LOXL2: variants seen among roughly 807,000 people sequenced by gnomAD.
LOXL2 encodes the protein lysyl oxidase homolog 2.
In LOXL2, 70 loss-of-function variants were observed where a neutral mutation model predicts 93.0. The observed-to-expected ratio is 0.75, with a 90% CI of 0.62 to 0.92. The LOEUF is 0.92. Among genes scored for constraint, LOXL2 ranks in the 40% least tolerant of loss-of-function variants. LOXL2 has a pLI of 0.00. For missense variants in LOXL2, 973 were observed against 1,054.9 expected (o/e 0.92, Z 1.08); for synonymous variants, 438 against 413.2 (o/e 1.06, Z -0.73).
At chr8:23,299,359 TGGA>T (rs1803089823) in intron 12 of LOXL2, among the ~76,000 whole-genome samples, 1 of 152,102 alleles carries the variant, frequency 6.6e-6, no homozygotes, top group South Asian at 2.1e-4. Flanking sequence ...GCCTGGGCGT[TGGA>T]GATGGGACAC....
intron 1 of LOXL2, among the ~76,000 whole-genome samples, chr8:23,380,905 A>G (rs796458487): frequency 3.3e-5 from 5 of 152,096 alleles, no homozygotes; most frequent in African/African-American, 1.2e-4. Context: ...CCCAGCTACT[A>G]GGGAGGCTGA....
At chr8:23,319,033 A>C (rs1803451833) in intron 8 of LOXL2, among the ~76,000 whole-genome samples, 1 of 152,216 alleles carries the variant, frequency 6.6e-6, no homozygotes, top group Admixed American at 6.5e-5. Context: ...CTGGGGAAGG[A>C]GAGCTGGAGT....
At chr8:23,311,625 T>A (rs983429802) in intron 9 of LOXL2, among the ~76,000 whole-genome samples, 10 of 152,172 alleles carry the variant, frequency 6.6e-5, no homozygotes, top group Admixed American at 2.0e-4. Context: ...TGCCATGGGT[T>A]GGGGACTTGG....
At chr8:23,338,390 G>C (rs1419340229) in intron 4 of LOXL2, among the ~76,000 whole-genome samples, 1 of 151,974 alleles carries the variant, frequency 6.6e-6, no homozygotes, top group African/African-American at 2.4e-5. Context: ...GGTTCACAGA[G>C]GGAGCCAGTC....
Position 23,297,970 on chromosome 8 carries a change from C to G in LOXL2, c.*73G>C. ...TGAGGGCACGTGGCATTCGTTCAGACTCAGTTGTTGGGGGGAAGTCCCATG... is the reference window on the plus strand; with the variant it reads ...TGAGGGCACGTGGCATTCGTTCAGAGTCAGTTGTTGGGGGGAAGTCCCATG... On this transcript the variant is annotated 3_prime_UTR_variant, in exon 14 of 14. Transcript: ENST00000389131. The G allele has an allele frequency of 1.5e-6, 2 of 1,314,494 alleles. No individual in the cohort carries two copies. Among genetic ancestry groups the G allele is most frequent in the Non-Finnish European group, 2.2e-6 (2 of 918,880 alleles). The allele number at this position is 1,314,494 out of a possible 1,614,324, so 81.4% of individuals were successfully genotyped here.
chr8:23,297,910 T>C lies in LOXL2; in HGVS notation c.*133A>G, dbSNP rs1585338418. On this transcript the variant is annotated 3_prime_UTR_variant, in exon 14 of 14. Coordinates refer to ENST00000389131, the MANE Select transcript of LOXL2 (RefSeq NM_002318.3). ...CTTTCCTCCTGAGCTTAGACACAGC[T>C]GTAGGGGTCTGGACAGGGTGGGGGC... 1 of 679,664 alleles carries C rather than the reference T, an allele frequency of 1.5e-6. No individual in the cohort carries two copies. Among genetic ancestry groups the C allele is most frequent in the East Asian group, 2.7e-5 (1 of 36,498 alleles). 42.1% of individuals were successfully genotyped at this position (679,664 alleles called of 1,614,324 possible). A position where few individuals can be genotyped will look rare whatever the true frequency, so the allele number is the denominator to read the frequency against.
intron 9 of LOXL2, among the ~76,000 whole-genome samples, chr8:23,316,055 T>C (rs1803396831): frequency 6.6e-6 from 1 of 152,216 alleles, no homozygotes; most frequent in African/African-American, 2.4e-5. Context: ...AAGCCTGCCC[T>C]GAGGTCCTGC....
chr8:23,360,494 A>T (rs547003298), intron 2 of LOXL2, among the ~76,000 whole-genome samples: 1 of 152,328 alleles, frequency 6.6e-6, no homozygotes, highest in East Asian at 1.9e-4. Context: ...ATTTAACATG[A>T]TTAGGATAGA....
intron 7 of LOXL2, among the ~76,000 whole-genome samples, chr8:23,320,419 T>G (rs1803475366): frequency 6.6e-6 from 1 of 152,174 alleles, no homozygotes; most frequent in African/African-American, 2.4e-5. Context: ...CTTTTCTCTT[T>G]GCCACATCCC....
chr8:23,338,072 G>T (rs761462396), intron 4 of LOXL2, among the ~76,000 whole-genome samples: 11 of 152,222 alleles, frequency 7.2e-5, no homozygotes, highest in Non-Finnish European at 1.2e-4. Flanking sequence ...AGGAACAAAG[G>T]CACGTCTTAC....
At chr8:23,324,443 G>C (rs1035700634) in intron 6 of LOXL2, among the ~76,000 whole-genome samples, 1 of 152,166 alleles carries the variant, frequency 6.6e-6, no homozygotes, top group East Asian at 1.9e-4. Context: ...TGAGTTCCGT[G>C]GGGGGTTGGG....
chr8:23,366,130 G>C (rs997695222), intron 2 of LOXL2: 1 of 152,202 alleles, frequency 6.6e-6, no homozygotes, highest in South Asian at 2.1e-4. Context: ...AAAATACCCA[G>C]TCACTGGAAA....
intron 1 of LOXL2, among the ~76,000 whole-genome samples, chr8:23,374,847 C>T (rs1414343217): frequency 6.6e-6 from 1 of 151,982 alleles, no homozygotes; most frequent in Non-Finnish European, 1.5e-5. Flanking sequence ...GGATATTAGC[C>T]CTTTGTCAGA....
chr8:23,354,240 A>G (rs539339012), intron 3 of LOXL2, among the ~76,000 whole-genome samples: 14 of 152,278 alleles, frequency 9.2e-5, no homozygotes, highest in Admixed American at 4.6e-4. Context: ...CCTGTCCCCA[A>G]TCTCCAGGGG....
intron 1 of LOXL2, among the ~76,000 whole-genome samples, chr8:23,372,638 A>G (rs935762156): frequency 2.0e-5 from 3 of 152,242 alleles, no homozygotes; most frequent in Non-Finnish European, 2.9e-5. Flanking sequence ...CCTTAACACA[A>G]GAAACATTAC....
At chr8:23,327,706 G>A (rs1482865459) in intron 6 of LOXL2, among the ~76,000 whole-genome samples, 1 of 152,184 alleles carries the variant, frequency 6.6e-6, no homozygotes, top group South Asian at 2.1e-4. Flanking sequence ...AGGATAAATG[G>A]TGGTCGTGGG....
intron 1 of LOXL2, among the ~76,000 whole-genome samples, chr8:23,392,716 CT>C (rs756924956): frequency 5.3e-5 from 8 of 152,188 alleles, no homozygotes; most frequent in South Asian, 4.1e-4. Flanking sequence ...TTACACCCCC[CT>C]GCCCTTGGAC....
At chr8:23,343,508 C>G (rs766881786) in intron 3 of LOXL2, among the ~76,000 whole-genome samples, 2 of 152,204 alleles carry the variant, frequency 1.3e-5, no homozygotes, top group Non-Finnish European at 2.9e-5. Context: ...CCGACTGCCC[C>G]AGCCCTGTCC....
chr8:23,372,280 C>T (rs4335131), intron 1 of LOXL2, among the ~76,000 whole-genome samples: 2,562 of 150,872 alleles, frequency 0.017, 37 homozygotes, highest in Middle Eastern at 0.028. Flanking sequence ...TGCAGTGGCG[C>T]GATCTCAGCT....
Sources: gnomAD v4.1 joint callset for allele counts (sites outside exome capture counted in the v4.1 genomes callset) on GRCh38, gnomAD v4.1.1 for gene constraint, MANE v1.5 for transcripts, NCBI Gene and HGNC (gene_info 2026-07-23, HGNC 2026-07-21) for gene names.